The following UPF3A variants were observed in gnomAD, a reference collection of about 807,000 sequenced individuals.
The protein encoded by UPF3A is UPF3A regulator of nonsense mediated mRNA decay, also known as regulator of nonsense transcripts 3A.
UPF3A carries 42 observed loss-of-function variants against 53.5 expected under a neutral mutation model. The ratio of observed to expected loss-of-function variants is 0.78; its 90% confidence interval spans 0.61 to 1.01. The LOEUF (loss-of-function observed/expected upper bound fraction) is 1.01. Among genes scored for constraint, UPF3A ranks in the 50% least tolerant of loss-of-function variants. The pLI is 0.00. For missense variants in UPF3A, 575 were observed against 598.0 expected (o/e 0.96, Z 0.40); for synonymous variants, 237 against 225.3 (o/e 1.05, Z -0.47).
chr13:114,293,209 C>A (rs2139261485), intron 7 of UPF3A, among the ~76,000 whole-genome samples: 1 of 151,370 alleles, frequency 6.6e-6, no homozygotes, highest in South Asian at 2.1e-4. Flanking sequence ...TATGGGGAAA[C>A]CCCATCTCTA....
intron 9 of UPF3A, 122 bp from the exon 10 acceptor site, chr13:114,304,667 T>G: frequency 7.2e-7 from 1 of 1,391,190 alleles, no homozygotes; most frequent in Non-Finnish European, 9.8e-7. Context: ...GGGCTGATTT[T>G]TAGCTGCCTA....
In UPF3A at chr13:114,281,666, A is replaced by T. The variant is rs1195325965; in HGVS notation, c.27A>T (p.Gly9=). 1.6e-5 allele frequency: 25 copies of T among 1,523,222 alleles called. No individual in the cohort carries two copies. The highest frequency in any genetic ancestry group is 1.6e-4 in the South Asian group (13 of 82,178). The allele number at this position is 1,523,222 out of a possible 1,614,324, so 94.4% of individuals were successfully genotyped here. The part of the protein sequence containing the change: MRSEKEGA[G]GLRAAVAARG... ...TGCGCTCGGAAAAGGAGGGGGCCGGAGGCCTTCGGGCGGCCGTTGCCGCGC... is the reference window on the plus strand; with the variant it reads ...TGCGCTCGGAAAAGGAGGGGGCCGGTGGCCTTCGGGCGGCCGTTGCCGCGC... The change falls in exon 1 of 10, where the codon GGA becomes GGT. Residue 9 remains glycine, a synonymous_variant. Coordinates refer to ENST00000375299, the MANE Select transcript of UPF3A (RefSeq NM_023011.4).
intron 3 of UPF3A, 66 bp downstream of exon 3, chr13:114,283,009 T>C: frequency 8.3e-7 from 1 of 1,202,882 alleles, no homozygotes; most frequent in South Asian, 1.3e-5. Flanking sequence ...ATTGCTAGAA[T>C]ATTCGTGCTT....
At position 114,281,899 on chromosome 13, in the gene UPF3A, T is replaced by TAGAGGGAGG. The variant is rs1466546016; in HGVS notation, c.207+53_207+54insAGAGGGAGG. 4.8e-6 allele frequency: 3 copies of TAGAGGGAGG among 621,800 alleles called. No homozygotes were observed. The African/African-American group carries it at 7.9e-5, about 16-fold the overall frequency. 38.5% of individuals were successfully genotyped at this position (621,800 alleles called of 1,614,324 possible). ...CTCGCGAGGAGAGGACGGCCCTGAG[T>TAGAGGGAGG]GGAGGGAGGGGAGGGAGGGGAGGGA... On this transcript the variant is annotated intron_variant, in intron 1 of 9. Transcript: ENST00000375299.
intron 7 of UPF3A, among the ~76,000 whole-genome samples, chr13:114,294,451 T>C (rs993214339): frequency 2.0e-5 from 3 of 152,066 alleles, no homozygotes; most frequent in Admixed American, 6.6e-5. Context: ...TTTGTAGAAG[T>C]GGGGGTCTCA....
In UPF3A at chr13:114,298,926, G is replaced by C. The variant is rs1355965831; in HGVS notation, c.933G>C (p.Lys311Asn). ...AGGAGATTGATACTGGAGGTGGCAAGCAGGAATCCTGTGCCCCCGGTGCAG... is the reference window on the plus strand; with the variant it reads ...AGGAGATTGATACTGGAGGTGGCAACCAGGAATCCTGTGCCCCCGGTGCAG... ...RGEEIDTGGG[K>N]QESCAPGAVV... The change falls in exon 8 of 10, where the codon AAG becomes AAC. Residue 311 changes from lysine to asparagine, a missense_variant. Lys to Asn is a moderately conservative substitution (Grantham distance 94). Coordinates refer to ENST00000375299, the MANE Select transcript of UPF3A (RefSeq NM_023011.4). The C allele has an allele frequency of 1.9e-6, 3 of 1,609,852 alleles. No individual in the cohort carries two copies. The highest frequency in any genetic ancestry group is 2.5e-6 in the Non-Finnish European group (3 of 1,178,274).
chr13:114,297,437 A>T lies in UPF3A; in HGVS notation c.847-1403A>T, dbSNP rs189457916. Among the ~76,000 whole-genome samples, 694 of 151,968 alleles carry T rather than the reference A, an allele frequency of 4.6e-3. 9 individuals carry two copies. The highest frequency in any genetic ancestry group is 0.015 in the African/African-American group (641 of 41,438). ...ATCAGTAGGAAGCAGCCTTTTAAAA[A>T]TTTTTTTTTCCTTATTACAAAACTA... On this transcript the variant is annotated intron_variant, in intron 7 of 9. Transcript: ENST00000375299.
Position 114,282,596 on chromosome 13 carries a change from G to A in UPF3A, c.315-241G>A, listed in dbSNP as rs2084217860. ...GAGTGCGCCCTGGCCTTGCCTTAGG[G>A]TTTCAGCCTCGGAGGACCGGTTCTG... On this transcript the variant is annotated intron_variant, in intron 2 of 9. Transcript: ENST00000375299. 12 of 985,360 alleles carry A rather than the reference G, an allele frequency of 1.2e-5. No homozygotes were observed. In the South Asian group the frequency reaches 5.2e-4, roughly 42 times the overall value. The allele number at this position is 985,360 out of a possible 1,614,324, so 61.0% of individuals were successfully genotyped here.
In UPF3A at chr13:114,282,146, G is replaced by A. The variant is rs1286432006; in HGVS notation, c.314+19G>A. 3.3e-6 allele frequency: 5 copies of A among 1,538,080 alleles called. No homozygotes were observed. Among genetic ancestry groups the A allele is most frequent in the African/African-American group, 2.7e-5 (2 of 72,984 alleles). On this transcript the variant is annotated intron_variant, in intron 2 of 9. Coordinates refer to ENST00000375299, the MANE Select transcript of UPF3A (RefSeq NM_023011.4). Reference sequence around the variant, plus strand: ...ACCTGAGGTGAGGCCCGCCCCGAGGGGAGGAAGAGAGGGCGGAACCCAGAG... The same window carrying A: ...ACCTGAGGTGAGGCCCGCCCCGAGGAGAGGAAGAGAGGGCGGAACCCAGAG...
At chr13:114,290,626 G>C (rs924758421) in intron 5 of UPF3A, among the ~76,000 whole-genome samples, 1 of 152,212 alleles carries the variant, frequency 6.6e-6, no homozygotes, top group Non-Finnish European at 1.5e-5. Context: ...GCATGAAAGC[G>C]AAGGACCAAG....
chr13:114,293,090 A>G (rs1222266885), intron 7 of UPF3A, among the ~76,000 whole-genome samples: 1 of 143,796 alleles, frequency 7.0e-6, no homozygotes, highest in Non-Finnish European at 1.5e-5. Flanking sequence ...AAAAAAAAAA[A>G]AAAAATTTCC....
At chr13:114,291,924 C>T (rs2085311390) in intron 7 of UPF3A, 132 bp downstream of exon 7, 3 of 1,188,322 alleles carry the variant, frequency 2.5e-6, no homozygotes, top group Non-Finnish European at 3.4e-6. Flanking sequence ...TATTTTTTTC[C>T]ATCTTTTCCA....
intron 3 of UPF3A, chr13:114,283,852 C>T (rs1174626654): frequency 1.8e-5 from 18 of 985,306 alleles, no homozygotes; most frequent in South Asian, 9.4e-5. Flanking sequence ...GTTTTCTGCC[C>T]TCCCCTCCCC....
At chr13:114,292,348 G>A (rs1379793527) in intron 7 of UPF3A, among the ~76,000 whole-genome samples, 7 of 139,654 alleles carry the variant, frequency 5.0e-5, no homozygotes, top group African/African-American at 1.3e-4. Flanking sequence ...GTTCATTTTC[G>A]GCTCAAGGCG....
At position 114,281,789 on chromosome 13, in the gene UPF3A, C is replaced by T. The variant is rs1021160478; in HGVS notation, c.150C>T (p.Ser50=). The T allele has an allele frequency of 1.3e-6, 2 of 1,555,268 alleles. No homozygotes were observed. Among genetic ancestry groups the T allele is most frequent in the Non-Finnish European group, 1.7e-6 (2 of 1,150,810 alleles). Residue 50 remains serine, a synonymous_variant, in exon 1 of 10, where the codon TCC becomes TCT. Coordinates refer to ENST00000375299, the MANE Select transcript of UPF3A (RefSeq NM_023011.4). ...CTGAGACGCCGCCAACTTCGTCCTC[C>T]GGTTGCGGGGGCGGTGCGGGCAAAC... ...QEAETPPTSS[S]GCGGGAGKPR... is the part of the protein sequence containing the mutation.
chr13:114,284,308 G>A (rs1008264096), intron 3 of UPF3A, among the ~76,000 whole-genome samples: 1 of 152,042 alleles, frequency 6.6e-6, no homozygotes, highest in African/African-American at 2.4e-5. Context: ...GTTGCAGTGA[G>A]CCGAGATCAT....
chr13:114,292,665 G>A (rs1308612083), intron 7 of UPF3A, among the ~76,000 whole-genome samples: 1 of 152,128 alleles, frequency 6.6e-6, no homozygotes, highest in African/African-American at 2.4e-5. Flanking sequence ...AGGCGTACAC[G>A]TGCAGGTGTG....
Position 114,282,110 on chromosome 13 carries a change from C to T in UPF3A, c.297C>T (p.Phe99=), listed in dbSNP as rs1194997507. The T allele has an allele frequency of 5.1e-6, 8 of 1,570,050 alleles. No homozygotes were observed. Among genetic ancestry groups the T allele is most frequent in the East Asian group, 2.4e-5 (1 of 42,512 alleles). The change falls in exon 2 of 10, where the codon TTC becomes TTT. Residue 99 remains phenylalanine, a synonymous_variant. Transcript: ENST00000375299. ...TGCCAGCACACGACTACTTCGAGTT[C>T]TTCGCCGCCGACCTGAGGTGAGGCC... ...RPLPAHDYFE[F]FAADLSLYPH... is the part of the protein sequence containing the mutation.
intron 7 of UPF3A, among the ~76,000 whole-genome samples, chr13:114,296,565 C>G (rs575907976): frequency 6.6e-6 from 1 of 152,174 alleles, no homozygotes; most frequent in East Asian, 1.9e-4. Flanking sequence ...GAAAACAGTG[C>G]CTTTCTGAGT....
Sources: gnomAD v4.1 joint callset for allele counts (sites outside exome capture counted in the v4.1 genomes callset) on GRCh38, gnomAD v4.1.1 for gene constraint, MANE v1.5 for transcripts, NCBI Gene and HGNC (gene_info 2026-07-23, HGNC 2026-07-21) for gene names.